The following ZFPM1 variants were observed in gnomAD, a reference collection of about 807,000 sequenced individuals.
ZFPM1 encodes the protein zinc finger protein ZFPM1.
Under a neutral mutation model 46.3 loss-of-function variants are expected in ZFPM1, and 28 were observed. That is an observed-to-expected ratio of 0.60 (90% CI 0.45 to 0.83). ZFPM1 has a LOEUF of 0.83. Ranked by LOEUF, ZFPM1 falls within the 40% of genes least tolerant of loss-of-function variation. The pLI, the probability that ZFPM1 is intolerant of heterozygous loss-of-function variation, is 0.00. For missense variants in ZFPM1, 1,878 were observed against 1,432.4 expected (o/e 1.31, Z -5.02); for synonymous variants, 957 against 675.9 (o/e 1.42, Z -6.45).
At chr16:88,475,445 C>T (rs1263553719) in intron 1 of ZFPM1, among the ~76,000 whole-genome samples, 3 of 150,616 alleles carry the variant, frequency 2.0e-5, no homozygotes, top group Non-Finnish European at 4.4e-5. Flanking sequence ...GACCAGACCT[C>T]GGGCCTGGAA....
chr16:88,490,589 G>A (rs1047748521), intron 3 of ZFPM1, among the ~76,000 whole-genome samples: 2 of 152,222 alleles, frequency 1.3e-5, no homozygotes, highest in African/African-American at 2.4e-5. Flanking sequence ...AGCAAGGGGA[G>A]AGTGCACGAT....
chr16:88,533,080 GC>G (rs1444621144), intron 9 of ZFPM1, 67 bp from the exon 10 acceptor site: 35 of 1,110,752 alleles, frequency 3.2e-5, no homozygotes, highest in Non-Finnish European at 3.9e-5. Flanking sequence ...TCCGGAGCTC[GC>G]CCTCCAGCTC....
rs1912942188 is a variant in ZFPM1, at chr16:88,533,228, C to T, written c.1270C>T (p.Pro424Ser). 1 of 1,562,526 alleles carries T rather than the reference C, an allele frequency of 6.4e-7. No individual in the cohort carries two copies. The highest frequency in any genetic ancestry group is 8.6e-7 in the Non-Finnish European group (1 of 1,161,898). The change falls in exon 10 of 10, where the codon CCA (proline) becomes TCA (serine). Residue 424 changes from proline to serine, a missense_variant. By Grantham distance (74) the Pro-to-Ser change is moderately conservative (BLOSUM62 -1). Coordinates refer to ENST00000319555, the MANE Select transcript of ZFPM1 (RefSeq NM_153813.3). Reference sequence around the variant, plus strand: ...CGCGGACCTGGGCCTGGCGCCCACCCCATCGCCAGGACTGGACAGAAAGGC... The same window carrying T: ...CGCGGACCTGGGCCTGGCGCCCACCTCATCGCCAGGACTGGACAGAAAGGC... ...ASADLGLAPT[P>S]SPGLDRKALA...
At chr16:88,524,228 AG>A (rs1401503393) in intron 4 of ZFPM1, among the ~76,000 whole-genome samples, 1 of 152,172 alleles carries the variant, frequency 6.6e-6, no homozygotes, top group African/African-American at 2.4e-5. Flanking sequence ...GGGGAGGGCC[AG>A]GCCCCAGCAG....
intron 4 of ZFPM1, among the ~76,000 whole-genome samples, chr16:88,526,323 C>A (rs1364821996): frequency 1.3e-5 from 2 of 152,198 alleles, no homozygotes; most frequent in Non-Finnish European, 2.9e-5. Flanking sequence ...TCGGCCCCAG[C>A]CCACAGAGGT....
chr16:88,495,841 G>A (rs1235623022), intron 3 of ZFPM1, among the ~76,000 whole-genome samples: 1 of 152,176 alleles, frequency 6.6e-6, no homozygotes, highest in African/African-American at 2.4e-5. Flanking sequence ...CTTTTTCCTG[G>A]TAACCAAATG....
rs557363518 is a variant in ZFPM1, at chr16:88,502,413, G to A, written c.269-11974G>A. On this transcript the variant is annotated intron_variant, in intron 3 of 9. Transcript: ENST00000319555. ...CCCACCTCTGCCCCATAGGCCTGACGCCTCTGTGCTTGCCCCTCCATGTCC... is the reference window on the plus strand; with the variant it reads ...CCCACCTCTGCCCCATAGGCCTGACACCTCTGTGCTTGCCCCTCCATGTCC... Among the ~76,000 whole-genome samples, 291 of 152,174 alleles carry A rather than the reference G, an allele frequency of 1.9e-3. 2 individuals are homozygous for A. The highest frequency in any genetic ancestry group is 4.4e-3 in the African/African-American group (183 of 41,534).
rs557885465 is a variant in ZFPM1, at chr16:88,514,866, G to A, written c.402+346G>A. Among the ~76,000 whole-genome samples the A allele has an allele frequency of 1.1e-3, 172 of 152,322 alleles. 1 individual carries two copies. Among genetic ancestry groups the A allele is most frequent in the African/African-American group, 4.0e-3 (166 of 41,566 alleles). The stretch of plus-strand genomic sequence containing the variant: ...GGCCCAGGCCTTGGGGTACTGGGAC[G>A]GTGGGGATGCTACAGCAGAGAGCGA... On this transcript the variant is annotated intron_variant, in intron 4 of 9. Transcript: ENST00000319555.
At chr16:88,508,733 C>G (rs1910792855) in intron 3 of ZFPM1, among the ~76,000 whole-genome samples, 1 of 152,200 alleles carries the variant, frequency 6.6e-6, no homozygotes, top group Non-Finnish European at 1.5e-5. Context: ...GGAGGAGCTA[C>G]TTAGCCTCCC....
chr16:88,490,081 T>A (rs1340726573), intron 3 of ZFPM1, among the ~76,000 whole-genome samples: 5 of 147,448 alleles, frequency 3.4e-5, no homozygotes, highest in Non-Finnish European at 7.5e-5. Context: ...TGAGATGGAG[T>A]CTCACTCTGT....
intron 3 of ZFPM1, among the ~76,000 whole-genome samples, chr16:88,504,531 C>A (rs910702873): frequency 6.6e-6 from 1 of 152,140 alleles, no homozygotes; most frequent in Non-Finnish European, 1.5e-5. Context: ...CTGTGGCTTT[C>A]AGACTCCTCA....
At chr16:88,452,807 G>A (rs1475279323), upstream of ZFPM1, among the ~76,000 whole-genome samples, 2 of 152,124 alleles carry the variant, frequency 1.3e-5, no homozygotes, top group African/African-American at 4.8e-5. Context: ...TTTGGAGGCG[G>A]AGCTGGCGCC....
intron 1 of ZFPM1, among the ~76,000 whole-genome samples, chr16:88,470,548 G>A (rs1908370582): frequency 1.4e-5 from 2 of 142,558 alleles, no homozygotes; most frequent in Non-Finnish European, 3.1e-5. Flanking sequence ...GGGCCGGGTG[G>A]TGACGCTGAG....
chr16:88,458,276 T>C (rs1907646072), intron 1 of ZFPM1, among the ~76,000 whole-genome samples: 1 of 152,204 alleles, frequency 6.6e-6, no homozygotes, highest in South Asian at 2.1e-4. Flanking sequence ...AAATGGGCCT[T>C]TGGGACCAGA....
chr16:88,529,239 G>A (rs1050906940), intron 6 of ZFPM1, among the ~76,000 whole-genome samples: 7 of 152,380 alleles, frequency 4.6e-5, no homozygotes, highest in Admixed American at 2.0e-4. Flanking sequence ...GTCTGGCTCC[G>A]GCCAGCGGCT....
intron 1 of ZFPM1, among the ~76,000 whole-genome samples, chr16:88,455,303 G>A (rs1907494902): frequency 6.6e-6 from 1 of 152,168 alleles, no homozygotes; most frequent in Non-Finnish European, 1.5e-5. Context: ...GGCGGGCAGA[G>A]CGCGCGCACT....
rs551152203 is a variant in ZFPM1, at chr16:88,526,863, C to T, written c.452C>T (p.Thr151Met). 7.7e-5 allele frequency: 122 copies of T among 1,576,266 alleles called. No individual in the cohort carries two copies. The African/African-American group carries it at 9.0e-4, about 12-fold the overall frequency. ...GTGGACGAGGCCTGCTGGCTGAGGACGCTGCCCCAGGCCCTGACTGAGGCC... is the reference window on the plus strand; with the variant it reads ...GTGGACGAGGCCTGCTGGCTGAGGATGCTGCCCCAGGCCCTGACTGAGGCC... Reference protein sequence around the residue: ...LLVDEACWLRTLPQALTEAEA... With the variant: ...LLVDEACWLRMLPQALTEAEA... The change falls in exon 5 of 10, where the codon ACG (threonine) becomes ATG (methionine). Residue 151 changes from threonine (T) to methionine (M), a missense_variant. By Grantham distance (81) the Thr-to-Met change is moderately conservative (BLOSUM62 -1). Coordinates refer to ENST00000319555, the MANE Select transcript of ZFPM1 (RefSeq NM_153813.3).
At chr16:88,499,977 G>C (rs1240453439) in intron 3 of ZFPM1, among the ~76,000 whole-genome samples, 1 of 152,238 alleles carries the variant, frequency 6.6e-6, no homozygotes, top group Admixed American at 6.5e-5. Context: ...TGGTTGGGGG[G>C]CGGGGGCCGG....
At position 88,533,600 on chromosome 16, in the gene ZFPM1, G is replaced by C; in HGVS notation, c.1642G>C (p.Glu548Gln). 6.7e-7 allele frequency: 1 copy of C among 1,492,706 alleles called. No homozygotes were observed. The allele number at this position is 1,492,706 out of a possible 1,614,324, so 92.5% of individuals were successfully genotyped here. Reference protein sequence around the residue: ...PASEILAKMSELVHSRLQQGA... With the variant: ...PASEILAKMSQLVHSRLQQGA... ...CTCGGAGATCCTGGCCAAGATGTCCGAGCTGGTGCACAGCCGGCTGCAGCA... is the reference window on the plus strand; with the variant it reads ...CTCGGAGATCCTGGCCAAGATGTCCCAGCTGGTGCACAGCCGGCTGCAGCA... Residue 548 changes from glutamate to glutamine, a missense_variant, in exon 10 of 10, where the codon GAG becomes CAG. Glu to Gln is a conservative substitution (Grantham distance 29). Coordinates refer to ENST00000319555, the MANE Select transcript of ZFPM1 (RefSeq NM_153813.3).
Sources: allele counts gnomAD v4.1 joint callset (sites outside exome capture counted in the v4.1 genomes callset), GRCh38; gene constraint gnomAD v4.1.1; transcripts MANE v1.5; gene names NCBI Gene and HGNC (gene_info 2026-07-23, HGNC 2026-07-21).